Variants in ABR observed in about 807,000 individuals in gnomAD.
The protein encoded by ABR is ABR activator of RhoGEF and GTPase, also known as active breakpoint cluster region-related protein.
ABR carries 35 observed loss-of-function variants against 107.2 expected under a neutral mutation model. That is an observed-to-expected ratio of 0.33 (90% confidence interval 0.25 to 0.43). The LOEUF is 0.43. Among genes scored for constraint, ABR ranks in the 20% least tolerant of loss-of-function variants. The pLI is 1.00. For synonymous variants in ABR, 498 were observed against 462.0 expected, an observed-to-expected ratio of 1.08 and a Z score of -1.00; for missense variants, 815 against 1,115.2, an observed-to-expected ratio of 0.73 and a Z score of 3.83.
intron 1 of ABR, among the ~76,000 whole-genome samples, chr17:1,151,710 G>A (rs554135705): frequency 1.3e-5 from 2 of 152,274 alleles, no homozygotes; most frequent in Non-Finnish European, 2.9e-5. Flanking sequence ...AACCCTTTTT[G>A]GGCAGGTCAC....
At chr17:1,137,408 T>C (rs1208962574) in intron 1 of ABR, among the ~76,000 whole-genome samples, 1 of 147,280 alleles carries the variant, frequency 6.8e-6, no homozygotes, top group East Asian at 2.0e-4. Context: ...ACTGTAGGGT[T>C]ACTCACTGGA....
chr17:1,062,464 G>C (rs1307488325), intron 10 of ABR, among the ~76,000 whole-genome samples: 11 of 130,778 alleles, frequency 8.4e-5, no homozygotes, highest in Non-Finnish European at 1.3e-4. Context: ...TACGTGAACT[G>C]AGGGCTATGC....
At chr17:1,031,929 A>T in intron 16 of ABR, 1 of 864,598 alleles carries the variant, frequency 1.2e-6, no homozygotes, top group East Asian at 5.0e-5. Context: ...CCTCCTCCGC[A>T]TCCCTCCTTC....
At chr17:1,063,511 GA>G in intron 10 of ABR, among the ~76,000 whole-genome samples, 1 of 147,224 alleles carries the variant, frequency 6.8e-6, no homozygotes, top group South Asian at 2.2e-4. Context: ...TGTTCCTCTA[GA>G]CACTGTTGTT....
Position 1,010,016 on chromosome 17 carries a change from C to T in ABR, c.2237-232G>A. ...CAGGAGGCCGGCTGGTGGGAGCAGACCCCCTTCCTGCAGCTGACTGCATAG... is the reference window on the plus strand; with the variant it reads ...CAGGAGGCCGGCTGGTGGGAGCAGATCCCCTTCCTGCAGCTGACTGCATAG... On this transcript the variant is annotated intron_variant, in intron 20 of 22. Transcript: ENST00000302538. This position sits in a 1 kb window ranked among gnomAD's most constrained non-coding sequence, Gnocchi z 4.1. 1.7e-6 allele frequency: 1 copy of T among 592,328 alleles called. No individual in the cohort carries two copies. Among genetic ancestry groups the T allele is most frequent in the South Asian group, 2.0e-5 (1 of 50,260 alleles). The allele number at this position is 592,328 out of a possible 1,614,324, so 36.7% of individuals were successfully genotyped here.
chr17:1,173,013 TC>T (rs2041778120), intron 1 of ABR, among the ~76,000 whole-genome samples: 2 of 12,168 alleles, frequency 1.6e-4, no homozygotes, highest in East Asian at 3.7e-3. Flanking sequence ...ATCACCTCAG[TC>T]CACCCAACAC....
At chr17:1,229,408 C>T (rs2043292362) in exon 1 of ABR, among the ~76,000 whole-genome samples, 1 of 146,650 alleles carries the variant, frequency 6.8e-6, no homozygotes, top group African/African-American at 2.7e-5. Context: ...TCGGGGCGCC[C>T]GGGCTCCCCG....
At chr17:1,203,512 CG>C (rs71148446) in intron 1 of ABR, among the ~76,000 whole-genome samples, 24,016 of 27,286 alleles carry the variant, frequency 0.88, 11,636 homozygotes, top group East Asian at 0.99. Flanking sequence ...TCTGCGGGGG[CG>C]GGGGCCGCAG....
At chr17:1,101,138 A>AT (rs58162752) in intron 2 of ABR, 69,948 of 175,850 alleles carry the variant, frequency 0.4, 14,625 homozygotes, top group East Asian at 0.51. Context: ...TGCCAGACTA[A>AT]TTTTTTTTGT....
At chr17:1,143,717 C>G (rs1425347564) in intron 1 of ABR, among the ~76,000 whole-genome samples, 1 of 152,090 alleles carries the variant, frequency 6.6e-6, no homozygotes. Flanking sequence ...AGACCGTAGC[C>G]GCCTGGAGAA....
At chr17:1,079,208 C>G in intron 6 of ABR, 122 bp downstream of exon 6, 2 of 1,498,062 alleles carry the variant, frequency 1.3e-6, no homozygotes, top group East Asian at 2.5e-5. Context: ...CACACACGCT[C>G]ACGCTCACAC....
intron 2 of ABR, chr17:1,109,090 G>A: frequency 6.3e-7 from 1 of 1,590,432 alleles, no homozygotes. Flanking sequence ...CCCGCGGAGG[G>A]CAGACAGGAA....
chr17:1,089,710 A>G lies in ABR; in HGVS notation c.531+1955T>C, dbSNP rs185463631. Among the ~76,000 whole-genome samples, 1,187 of 152,304 alleles carry G rather than the reference A, an allele frequency of 7.8e-3. 8 individuals are homozygous for G. The highest frequency in any genetic ancestry group is 0.031 in the Middle Eastern group (9 of 294). ...CGCGGTGGCTCACGCCTGTAATCCCAGCACTTCGGGAGGCCGAGGCGGGCG... is the reference window on the plus strand; with the variant it reads ...CGCGGTGGCTCACGCCTGTAATCCCGGCACTTCGGGAGGCCGAGGCGGGCG... On this transcript the variant is annotated intron_variant, in intron 4 of 22. Coordinates refer to ENST00000302538, the MANE Select transcript of ABR (RefSeq NM_021962.5).
At position 1,203,421 on chromosome 17, in the gene ABR, GC is replaced by G. The variant is rs2042716999; in HGVS notation, c.838+25371del. 1.4e-4 allele frequency among the ~76,000 whole-genome samples: 13 copies of G among 90,296 alleles called. 3 individuals are homozygous for G. Among genetic ancestry groups the G allele is most frequent in the Admixed American group, 7.6e-4 (7 of 9,174 alleles). 59.2% of individuals were successfully genotyped at this position (90,296 alleles called of 152,430 possible). On this transcript the variant is annotated intron_variant, in intron 1 of 22. Coordinates refer to the ABR transcript ENST00000574139. ...CCCGCGGGGGGCGGAGTCTGCGGGG[GC>G]GGGGCCCGCGGGGACGGAGTCTGCG...
chr17:1,203,833 G>A (rs988137354), intron 1 of ABR, among the ~76,000 whole-genome samples: 3 of 152,182 alleles, frequency 2.0e-5, no homozygotes, highest in African/African-American at 7.2e-5. Flanking sequence ...CAGGGGGTGT[G>A]GCGTGAGTGT....
At chr17:1,058,165 G>C in intron 11 of ABR, 120 bp from the exon 12 acceptor site, 1 of 493,702 alleles carries the variant, frequency 2.0e-6, no homozygotes, top group Non-Finnish European at 3.4e-6. Context: ...TTGAGACAGA[G>C]TCTCGCTCTT....
chr17:1,049,317 G>A (rs538167395), intron 16 of ABR, among the ~76,000 whole-genome samples: 46 of 152,104 alleles, frequency 3.0e-4, no homozygotes, highest in African/African-American at 9.2e-4. Flanking sequence ...ACAGGCGCCC[G>A]CCACCACGAC....
chr17:1,055,188 T>C (rs928557646), intron 14 of ABR: 1 of 152,160 alleles, frequency 6.6e-6, no homozygotes, highest in Non-Finnish European at 1.5e-5. Flanking sequence ...CTGGCCAACA[T>C]GGGGAGAACC....
chr17:1,017,668 A>G (rs946164565), intron 16 of ABR, among the ~76,000 whole-genome samples: 7 of 151,610 alleles, frequency 4.6e-5, no homozygotes, highest in South Asian at 2.1e-4. Context: ...GGGTTTCACC[A>G]TGTTGGCCAG....
Sources: gnomAD v4.1 joint callset for allele counts (sites outside exome capture counted in the v4.1 genomes callset) on GRCh38, gnomAD v4.1.1 for gene constraint, Gnocchi (gnomAD v3.1) non-coding constraint, MANE v1.5 for transcripts, NCBI Gene and HGNC (gene_info 2026-07-23, HGNC 2026-07-21) for gene names.